EBF1: variants seen among roughly 807,000 people sequenced by gnomAD.
EBF1 encodes the protein EBF transcription factor 1.
A neutral mutation model predicts 68.4 loss-of-function variants in EBF1; 10 were observed. That is an observed-to-expected ratio of 0.15 (90% confidence interval 0.09 to 0.25). The LOEUF (loss-of-function observed/expected upper bound fraction) is 0.25. Ranked by LOEUF, EBF1 falls within the 10% of genes least tolerant of loss-of-function variation. The pLI, the probability that EBF1 is intolerant of heterozygous loss-of-function variation, is 1.00. For missense variants in EBF1, 509 were observed against 794.4 expected (o/e 0.64, Z 4.32); for synonymous variants, 298 against 299.8 (o/e 0.99, Z 0.06).
At chr5:158,813,114 C>T (rs1275496460) in intron 8 of EBF1, among the ~76,000 whole-genome samples, 3 of 152,124 alleles carry the variant, frequency 2.0e-5, no homozygotes. Context: ...TATCCCTGTA[C>T]CACTTACACT....
intron 10 of EBF1, among the ~76,000 whole-genome samples, chr5:158,731,761 A>T (rs1346371250): frequency 6.6e-6 from 1 of 152,204 alleles, no homozygotes; most frequent in Non-Finnish European, 1.5e-5. Flanking sequence ...ATCTGAAATG[A>T]TAGATCCTTT....
At chr5:159,075,893 C>T (rs867429679) in intron 5 of EBF1, among the ~76,000 whole-genome samples, 4 of 152,140 alleles carry the variant, frequency 2.6e-5, no homozygotes, top group Non-Finnish European at 4.4e-5. Context: ...AGACCCTGGC[C>T]GACTCTTGCC....
chr5:159,053,752 T>C (rs1304013446), intron 6 of EBF1, among the ~76,000 whole-genome samples: 1 of 152,168 alleles, frequency 6.6e-6, no homozygotes, highest in Non-Finnish European at 1.5e-5. Context: ...AAAAGGAACA[T>C]AATTACCAAC....
chr5:158,794,541 G>C (rs190694789), intron 9 of EBF1, among the ~76,000 whole-genome samples: 1 of 152,232 alleles, frequency 6.6e-6, no homozygotes, highest in African/African-American at 2.4e-5. Context: ...GGTTAAGAAG[G>C]CACAAGGTTT....
chr5:159,003,974 GC>G (rs1284852960), intron 6 of EBF1, among the ~76,000 whole-genome samples: 1 of 152,152 alleles, frequency 6.6e-6, no homozygotes, highest in Admixed American at 6.5e-5. Context: ...TCATCATTTG[GC>G]TTTAAAATGC....
At chr5:158,987,032 C>T (rs1759227797) in intron 6 of EBF1, 1 of 152,144 alleles carries the variant, frequency 6.6e-6, no homozygotes, top group South Asian at 2.1e-4. Flanking sequence ...ACATTTTTAA[C>T]CCTACATCTG....
intron 15 of EBF1, among the ~76,000 whole-genome samples, chr5:158,705,046 C>T (rs751812686): frequency 2.0e-5 from 3 of 152,186 alleles, no homozygotes; most frequent in Non-Finnish European, 4.4e-5. Flanking sequence ...TGCAGTGGCA[C>T]GATCTCAGCT....
At chr5:158,804,667 A>T (rs1184059347) in intron 8 of EBF1, among the ~76,000 whole-genome samples, 1 of 152,166 alleles carries the variant, frequency 6.6e-6, no homozygotes, top group East Asian at 1.9e-4. Context: ...GCATTGTTTC[A>T]TAATATGCAA....
At position 158,872,162 on chromosome 5, in the gene EBF1, C is replaced by G. The variant is rs370051141; in HGVS notation, c.555-32052G>C. Among the ~76,000 whole-genome samples, 16 of 152,190 alleles carry G rather than the reference C, an allele frequency of 1.1e-4. No individual in the cohort carries two copies. The East Asian group carries it at 2.9e-3, about 28-fold the overall frequency. On this transcript the variant is annotated intron_variant, in intron 6 of 15. Transcript: ENST00000313708. ...TCCCTCTGCCTTTAGACTGGACTTT[C>G]CTATCTACCCAAGTAGAAAACTTTT...
intron 10 of EBF1, among the ~76,000 whole-genome samples, chr5:158,741,871 C>T (rs1223356863): frequency 6.6e-6 from 1 of 152,194 alleles, no homozygotes; most frequent in Admixed American, 6.5e-5. Context: ...CTCACACTTC[C>T]TAAGGACTTA....
intron 8 of EBF1, among the ~76,000 whole-genome samples, chr5:158,797,032 A>T (rs1779723799): frequency 6.6e-6 from 1 of 152,116 alleles, no homozygotes; most frequent in Non-Finnish European, 1.5e-5. Flanking sequence ...AATGTCATAG[A>T]TCCCATTTTA....
Position 158,840,665 on chromosome 5 carries a change from T to G in EBF1, c.555-555A>C, listed in dbSNP as rs1006241731. Among the ~76,000 whole-genome samples, 262 of 78,090 alleles carry G rather than the reference T, an allele frequency of 3.4e-3. 2 individuals are homozygous for G. Among genetic ancestry groups the G allele is most frequent in the African/African-American group, 8.2e-3 (163 of 19,914 alleles). The allele number at this position is 78,090 out of a possible 152,430, so 51.2% of individuals were successfully genotyped here. ...CTCCTGTTTTTTTTTTTTTTTTTTT[T>G]TTTTTTTGTTTTTTTTTTTTTTTTG... On this transcript the variant is annotated intron_variant, in intron 6 of 15. Coordinates refer to ENST00000313708, the MANE Select transcript of EBF1 (RefSeq NM_024007.5).
At chr5:158,776,860 C>A (rs1775393513) in intron 10 of EBF1, among the ~76,000 whole-genome samples, 1 of 152,190 alleles carries the variant, frequency 6.6e-6, no homozygotes, top group Non-Finnish European at 1.5e-5. Flanking sequence ...CTGGTTCTCT[C>A]TGTCTGATGG....
chr5:159,016,113 A>C (rs1364909626), intron 6 of EBF1, among the ~76,000 whole-genome samples: 2 of 152,252 alleles, frequency 1.3e-5, no homozygotes, highest in Non-Finnish European at 2.9e-5. Context: ...TTAAGCACAT[A>C]AAACCTCAGT....
At chr5:159,051,043 G>A (rs1172068896) in intron 6 of EBF1, among the ~76,000 whole-genome samples, 1 of 152,090 alleles carries the variant, frequency 6.6e-6, no homozygotes, top group Non-Finnish European at 1.5e-5. Flanking sequence ...AAGGGGGGAA[G>A]TGTTAAAGTC....
chr5:158,820,750 G>A (rs1352157544), intron 8 of EBF1, among the ~76,000 whole-genome samples: 2 of 152,150 alleles, frequency 1.3e-5, no homozygotes, highest in African/African-American at 4.8e-5. Flanking sequence ...CTCATAAACT[G>A]AAGCAGGTGA....
chr5:158,896,380 G>A (rs1038281120), intron 6 of EBF1, among the ~76,000 whole-genome samples: 12 of 152,028 alleles, frequency 7.9e-5, no homozygotes, highest in East Asian at 3.9e-4. Flanking sequence ...CTTTATACAC[G>A]TTTCTGAAAG....
rs752834219 is a variant in EBF1, at chr5:158,796,521, AC to A, written c.779-47del. 4.5e-6 allele frequency: 7 copies of A among 1,548,486 alleles called. No individual in the cohort carries two copies. The African/African-American group carries it at 6.9e-5, about 15-fold the overall frequency. On this transcript the variant is annotated intron_variant, in intron 8 of 15. Transcript: ENST00000313708. ...AAAAGAGAAGGAGTCTGCTGTTAGAACCAAACTTTAATGATGAAGACTTGAG... is the reference window on the plus strand; with the variant it reads ...AAAAGAGAAGGAGTCTGCTGTTAGAACAAACTTTAATGATGAAGACTTGAG...
rs1215336870 is a variant in EBF1 at position 158,930,745 on chromosome 5, C to T, written c.555-90635G>A. ...TAATGGGGGGCAAGTATTAAAATGCCTCCATTTTACAGATAAGGTAAACTG... is the reference window on the plus strand; with the variant it reads ...TAATGGGGGGCAAGTATTAAAATGCTTCCATTTTACAGATAAGGTAAACTG... On this transcript the variant is annotated intron_variant, in intron 6 of 15. Coordinates refer to ENST00000313708, the MANE Select transcript of EBF1 (RefSeq NM_024007.5). Among the ~76,000 whole-genome samples, 3 of 152,116 alleles carry T rather than the reference C, an allele frequency of 2.0e-5. No individual in the cohort carries two copies. The East Asian group carries it at 5.8e-4, about 29-fold the overall frequency.
Sources: gnomAD v4.1 joint callset for allele counts (sites outside exome capture counted in the v4.1 genomes callset) on GRCh38, gnomAD v4.1.1 for gene constraint, MANE v1.5 for transcripts, NCBI Gene and HGNC (gene_info 2026-07-23, HGNC 2026-07-21) for gene names.